The following PITPNC1 variants were observed in gnomAD, a reference collection of about 807,000 sequenced individuals.
The protein encoded by PITPNC1 is phosphatidylinositol transfer protein cytoplasmic 1.
Under a neutral mutation model 44.7 loss-of-function variants are expected in PITPNC1, and 18 were observed. The observed-to-expected ratio is 0.40, with a 90% CI of 0.28 to 0.60. The LOEUF (loss-of-function observed/expected upper bound fraction) is 0.60. Ranked by LOEUF, PITPNC1 falls within the 20% of genes least tolerant of loss-of-function variation. The pLI is 0.39. For synonymous variants in PITPNC1, 141 were observed against 149.6 expected (o/e 0.94, Z 0.42); for missense variants, 290 against 418.4 (o/e 0.69, Z 2.68).
chr17:67,553,521 T>C, intron 3 of PITPNC1, 89 bp from the exon 4 acceptor site: 1 of 557,546 alleles, frequency 1.8e-6, no homozygotes, highest in Non-Finnish European at 3.2e-6. Context: ...GTTAGTTCTG[T>C]GGTTTTTATA....
chr17:67,526,613 TC>T (rs1298155866), intron 1 of PITPNC1, among the ~76,000 whole-genome samples: 2 of 151,900 alleles, frequency 1.3e-5, no homozygotes, highest in African/African-American at 4.8e-5. Context: ...GTGCCTGTAA[TC>T]CCAGCTACTT....
intron 5 of PITPNC1, among the ~76,000 whole-genome samples, chr17:67,631,561 G>A (rs1312929568): frequency 4.1e-5 from 5 of 121,888 alleles, no homozygotes; most frequent in South Asian, 2.8e-4. Flanking sequence ...CCCAAGAGGC[G>A]GAGCTTGCAG....
At chr17:67,492,001 T>C (rs2039871167) in intron 1 of PITPNC1, among the ~76,000 whole-genome samples, 1 of 148,680 alleles carries the variant, frequency 6.7e-6, no homozygotes, top group African/African-American at 2.5e-5. Context: ...CCTTTTTTTT[T>C]CTTTTTTTTT....
chr17:67,497,578 A>C (rs1598744169), intron 1 of PITPNC1, among the ~76,000 whole-genome samples: 1 of 113,820 alleles, frequency 8.8e-6, no homozygotes, highest in Admixed American at 1.3e-4. Flanking sequence ...CCCAAGCTGG[A>C]GTGCAGTGAT....
intron 4 of PITPNC1, among the ~76,000 whole-genome samples, chr17:67,574,718 A>G (rs976423373): frequency 1.3e-5 from 2 of 152,130 alleles, no homozygotes; most frequent in African/African-American, 4.8e-5. Context: ...AGAGCCACAG[A>G]TAATTCTGAT....
At chr17:67,511,120 T>G (rs2040179274) in intron 1 of PITPNC1, among the ~76,000 whole-genome samples, 1 of 152,174 alleles carries the variant, frequency 6.6e-6, no homozygotes, top group South Asian at 2.1e-4. Context: ...CAGCTTACTT[T>G]CCTTCCCCCA....
intron 6 of PITPNC1, among the ~76,000 whole-genome samples, chr17:67,669,218 T>C (rs1176004399): frequency 1.3e-5 from 2 of 152,214 alleles, no homozygotes; most frequent in Non-Finnish European, 2.9e-5. Context: ...GCAATTCTCC[T>C]GCCTTAGCCT....
chr17:67,380,072 T>C (rs1598594625), intron 1 of PITPNC1, among the ~76,000 whole-genome samples: 3 of 150,928 alleles, frequency 2.0e-5, no homozygotes, highest in African/African-American at 7.4e-5. Flanking sequence ...TTTTGTCTTT[T>C]CTTTTCTTTT....
At chr17:67,647,707 C>T (rs1475019086) in intron 6 of PITPNC1, among the ~76,000 whole-genome samples, 1 of 151,952 alleles carries the variant, frequency 6.6e-6, no homozygotes, top group Admixed American at 6.6e-5. Flanking sequence ...CTCACTTTAG[C>T]ATCCACACGA....
intron 6 of PITPNC1, among the ~76,000 whole-genome samples, chr17:67,649,998 A>AC: frequency 6.6e-6 from 1 of 151,252 alleles, no homozygotes; most frequent in South Asian, 2.1e-4. Flanking sequence ...CAATCCCAGC[A>AC]CCCCCTCCCT....
At chr17:67,650,439 G>A (rs2042196998) in intron 6 of PITPNC1, among the ~76,000 whole-genome samples, 1 of 131,024 alleles carries the variant, frequency 7.6e-6, no homozygotes, top group African/African-American at 3.2e-5. Flanking sequence ...AGAAACCATA[G>A]GCTTTTTTTT....
intron 4 of PITPNC1, among the ~76,000 whole-genome samples, chr17:67,560,912 T>C (rs969915488): frequency 6.6e-6 from 1 of 152,202 alleles, no homozygotes; most frequent in African/African-American, 2.4e-5. Flanking sequence ...TACAGAGTTG[T>C]TTAAGGGAAT....
chr17:67,692,724 CCT>C lies in PITPNC1; in HGVS notation c.841_842del (p.Ser281HisfsTer29), dbSNP rs778695419. On this transcript the variant is annotated frameshift_variant, in exon 9 of 9. Coordinates refer to ENST00000581322, the MANE Select transcript of PITPNC1 (RefSeq NM_012417.4). LOFTEE classifies it high-confidence loss of function. ...TGCGCCTTCTAGTGCTCCATCCACC[CCT>C]CTCTCCACAGACGCACCCGAATTTC... The part of the protein sequence containing the change: ...RSAPSSAPST[P>X]LSTDAPEFLS... 2 of 1,613,918 alleles carry C rather than the reference CCT, an allele frequency of 1.2e-6. No individual in the cohort carries two copies. Among genetic ancestry groups the C allele is most frequent in the Non-Finnish European group, 1.7e-6 (2 of 1,179,862 alleles).
At chr17:67,408,480 A>G (rs2038433233) in intron 1 of PITPNC1, among the ~76,000 whole-genome samples, 1 of 152,098 alleles carries the variant, frequency 6.6e-6, no homozygotes, top group African/African-American at 2.4e-5. Context: ...CAGTGAGCCA[A>G]GATCGTGCCA....
At chr17:67,447,203 A>G (rs1419584594) in intron 1 of PITPNC1, among the ~76,000 whole-genome samples, 1 of 150,722 alleles carries the variant, frequency 6.6e-6, no homozygotes, top group Non-Finnish European at 1.5e-5. Flanking sequence ...TTCACTCCTT[A>G]TCTATGACAG....
rs143000873 is a variant in PITPNC1, at chr17:67,648,645, G to A, written c.462+16407G>A. Among the ~76,000 whole-genome samples, 30 of 152,314 alleles carry A rather than the reference G, an allele frequency of 2.0e-4. No individual in the cohort carries two copies. In the East Asian group the frequency reaches 5.2e-3, roughly 26 times the overall value. On this transcript the variant is annotated intron_variant, in intron 6 of 8. Coordinates refer to ENST00000581322, the MANE Select transcript of PITPNC1 (RefSeq NM_012417.4). ...AAAGCTGGGGACAAAGAGGAATTGG[G>A]ACTCCACATTCACCAGGCAGCTGCT...
intron 7 of PITPNC1, among the ~76,000 whole-genome samples, chr17:67,674,214 T>C (rs1013490973): frequency 2.6e-5 from 4 of 151,620 alleles, no homozygotes; most frequent in African/African-American, 4.9e-5. Context: ...AATTAAAAAA[T>C]TGAATCAGGC....
chr17:67,395,834 A>G (rs2038212087), intron 1 of PITPNC1, among the ~76,000 whole-genome samples: 1 of 152,218 alleles, frequency 6.6e-6, no homozygotes, highest in Non-Finnish European at 1.5e-5. Flanking sequence ...CTAGAATTGC[A>G]TTTAGTCATC....
chr17:67,601,310 CAATG>C (rs2041536645), intron 5 of PITPNC1, among the ~76,000 whole-genome samples: 1 of 152,040 alleles, frequency 6.6e-6, no homozygotes, highest in African/African-American at 2.4e-5. Flanking sequence ...TCAATGAAGA[CAATG>C]AAAGGAGAGA....
Sources: allele counts gnomAD v4.1 joint callset (sites outside exome capture counted in the v4.1 genomes callset), GRCh38; gene constraint gnomAD v4.1.1; transcripts MANE v1.5; gene names NCBI Gene and HGNC (gene_info 2026-07-23, HGNC 2026-07-21).